Variants in PTGER3 observed in about 807,000 individuals in gnomAD.
The protein encoded by PTGER3 is prostaglandin E receptor 3.
A neutral mutation model predicts 34.7 loss-of-function variants in PTGER3; 22 were observed. The ratio of observed to expected loss-of-function variants is 0.63; its 90% CI spans 0.45 to 0.91. The LOEUF (loss-of-function observed/expected upper bound fraction) is 0.91. PTGER3 is among the 40% of genes least tolerant of loss of function. The pLI is 0.00. For missense variants in PTGER3, 468 were observed against 519.4 expected (o/e 0.90, Z 0.96); for synonymous variants, 241 against 230.1 (o/e 1.05, Z -0.43).
chr1:70,908,514 T>C (rs1409226695), intron 4 of PTGER3, among the ~76,000 whole-genome samples: 1 of 152,208 alleles, frequency 6.6e-6, no homozygotes, highest in South Asian at 2.1e-4. Context: ...CCAAGTACAC[T>C]AAGTGATAAC....
chr1:70,862,249 T>G, intron 4 of PTGER3: 3 of 960,084 alleles, frequency 3.1e-6, no homozygotes, highest in Non-Finnish European at 4.2e-6. Flanking sequence ...TTAAACATAC[T>G]AAGTAAAAAA....
At chr1:70,890,901 T>C (rs928369283) in intron 4 of PTGER3, among the ~76,000 whole-genome samples, 1 of 152,212 alleles carries the variant, frequency 6.6e-6, no homozygotes, top group Admixed American at 6.5e-5. Context: ...TATATATTTA[T>C]AGGAATTTTT....
intron 2 of PTGER3, among the ~76,000 whole-genome samples, chr1:70,954,039 C>T (rs1651053885): frequency 6.6e-6 from 1 of 152,138 alleles, no homozygotes; most frequent in South Asian, 2.1e-4. Context: ...CATAGGCATG[C>T]TTTTCTGTCT....
At position 70,882,926 on chromosome 1, in the gene PTGER3, T is replaced by C. The variant is rs568272849; in HGVS notation, c.*24-30067A>G. Among the ~76,000 whole-genome samples, 92 of 152,324 alleles carry C rather than the reference T, an allele frequency of 6.0e-4. 1 individual carries two copies. The highest frequency in any genetic ancestry group is 4.1e-3 in the South Asian group (20 of 4,826). On this transcript the variant is annotated intron_variant, in intron 4 of 4. Coordinates refer to the PTGER3 transcript ENST00000370931. ...GGGTCAGTGTTCACTAGCCCTTTTG[T>C]TTCCTTTCTGAGAGCAGCACACGTG...
chr1:71,042,629 T>G (rs543790672), intron 1 of PTGER3, among the ~76,000 whole-genome samples: 10 of 152,278 alleles, frequency 6.6e-5, no homozygotes, highest in African/African-American at 2.2e-4. Flanking sequence ...GGCAGAAAGT[T>G]GAGGCAGAAG....
At chr1:71,011,144 T>C (rs1657405284) in intron 2 of PTGER3, 1 of 985,592 alleles carries the variant, frequency 1.0e-6, no homozygotes, top group Admixed American at 6.2e-5. Flanking sequence ...TGTGCACAAA[T>C]ACGTCAAGCT....
chr1:70,940,505 A>G (rs1289583075), intron 4 of PTGER3, among the ~76,000 whole-genome samples: 1 of 152,192 alleles, frequency 6.6e-6, no homozygotes, highest in African/African-American at 2.4e-5. Flanking sequence ...GAGACTGGGA[A>G]GAAAAAGAGG....
intron 4 of PTGER3, among the ~76,000 whole-genome samples, chr1:70,916,477 A>T (rs529274021): frequency 6.6e-6 from 1 of 152,084 alleles, no homozygotes; most frequent in Non-Finnish European, 1.5e-5. Flanking sequence ...CATAGAATCA[A>T]CCTAGGTGCC....
At chr1:71,031,398 A>G (rs1460514199) in intron 1 of PTGER3, among the ~76,000 whole-genome samples, 1 of 152,144 alleles carries the variant, frequency 6.6e-6, no homozygotes, top group Non-Finnish European at 1.5e-5. Flanking sequence ...TATTATTAAT[A>G]TCCCAATTCT....
At chr1:70,895,390 A>G (rs1424619916) in intron 4 of PTGER3, among the ~76,000 whole-genome samples, 1 of 152,158 alleles carries the variant, frequency 6.6e-6, no homozygotes, top group Non-Finnish European at 1.5e-5. Context: ...ATAAAAGAAA[A>G]GTAGTCCCAA....
intron 2 of PTGER3, among the ~76,000 whole-genome samples, chr1:70,957,307 A>G (rs993860139): frequency 2.0e-5 from 3 of 152,194 alleles, no homozygotes; most frequent in Non-Finnish European, 4.4e-5. Context: ...GACTATTCAA[A>G]GCAGTGAAGT....
chr1:70,920,112 T>C (rs1049351444), intron 4 of PTGER3, among the ~76,000 whole-genome samples: 1 of 152,172 alleles, frequency 6.6e-6, no homozygotes. Flanking sequence ...TCTCAATTTG[T>C]CTGATATATG....
chr1:70,923,934 G>T (rs1392436347), intron 4 of PTGER3, among the ~76,000 whole-genome samples: 1 of 152,142 alleles, frequency 6.6e-6, no homozygotes, highest in Non-Finnish European at 1.5e-5. Flanking sequence ...TACCTGAATG[G>T]CATGCTTTTC....
intron 4 of PTGER3, among the ~76,000 whole-genome samples, chr1:70,853,922 T>C (rs543476405): frequency 2.0e-5 from 3 of 152,254 alleles, no homozygotes; most frequent in Admixed American, 2.0e-4. Context: ...GATATCCACA[T>C]GCAAAAGAAT....
chr1:71,025,165 T>C lies in PTGER3; in HGVS notation c.898-12681A>G, dbSNP rs111806344. ...CCTTCCTTCCTTCCTTCCTTCCTTC[T>C]TTCCTTCCTTTTTTTCCTTCCTTCC... On this transcript the variant is annotated intron_variant, in intron 1 of 3. Transcript: ENST00000306666. Among the ~76,000 whole-genome samples, 171 of 79,560 alleles carry C rather than the reference T, an allele frequency of 2.1e-3. 1 individual carries two copies. Among genetic ancestry groups the C allele is most frequent in the African/African-American group, 2.5e-3 (50 of 19,732 alleles). The allele number at this position is 79,560 out of a possible 152,430, so 52.2% of individuals were successfully genotyped here. A position where few individuals can be genotyped will look rare whatever the true frequency, so the allele number is the denominator to read the frequency against.
At chr1:71,007,067 A>G in intron 2 of PTGER3, 1 of 985,208 alleles carries the variant, frequency 1.0e-6, no homozygotes, top group Non-Finnish European at 1.2e-6. Context: ...ATAACTACCC[A>G]TAAAACTTTA....
At chr1:70,955,699 GT>G (rs1270876978) in intron 2 of PTGER3, among the ~76,000 whole-genome samples, 1 of 152,098 alleles carries the variant, frequency 6.6e-6, no homozygotes, top group Non-Finnish European at 1.5e-5. Flanking sequence ...AATAAAAAAA[GT>G]TTTATAACAC....
intron 4 of PTGER3, among the ~76,000 whole-genome samples, chr1:70,924,433 C>A (rs1397223474): frequency 6.6e-6 from 1 of 152,116 alleles, no homozygotes; most frequent in African/African-American, 2.4e-5. Flanking sequence ...GTAATTTAGG[C>A]TAACCCTGCT....
At chr1:70,856,633 T>A (rs1645812781) in intron 4 of PTGER3, among the ~76,000 whole-genome samples, 1 of 152,138 alleles carries the variant, frequency 6.6e-6, no homozygotes, top group Admixed American at 6.5e-5. Context: ...TTTTTTAAGG[T>A]TAGAAGGTGT....
Sources: allele counts gnomAD v4.1 joint callset (sites outside exome capture counted in the v4.1 genomes callset), GRCh38; gene constraint gnomAD v4.1.1; transcripts MANE v1.5; gene names NCBI Gene and HGNC (gene_info 2026-07-23, HGNC 2026-07-21).